Variants in AKAP11 observed in about 807,000 individuals in gnomAD.
AKAP11 encodes the protein A-kinase anchor protein 11.
Under a neutral mutation model 146.1 loss-of-function variants are expected in AKAP11, and 36 were observed. That is an observed-to-expected ratio of 0.25 (90% CI 0.19 to 0.33). AKAP11 has a LOEUF of 0.33. Among genes scored for constraint, AKAP11 ranks in the 10% least tolerant of loss-of-function variants. The probability of loss-of-function intolerance (pLI) is 1.00; values close to 1 mark genes in which losing one functional copy is unlikely to be tolerated. For missense variants in AKAP11, 2,201 were observed against 2,197.0 expected, an observed-to-expected ratio of 1.00 and a Z score of -0.04; for synonymous variants, 780 against 786.5, an observed-to-expected ratio of 0.99 and a Z score of 0.14.
chr13:42,298,507 T>G (rs757488612), intron 6 of AKAP11, 26 bp from the exon 7 acceptor site: 1 of 1,601,214 alleles, frequency 6.2e-7, no homozygotes, highest in Non-Finnish European at 8.5e-7. Flanking sequence ...TTAAAATTGT[T>G]TTTATTATCT....
chr13:42,272,983 C>G (rs1199137162), intron 1 of AKAP11, among the ~76,000 whole-genome samples: 1 of 151,970 alleles, frequency 6.6e-6, no homozygotes, highest in East Asian at 1.9e-4. Flanking sequence ...CATTTTTTTT[C>G]TCTGCTTTGT....
In AKAP11 at chr13:42,299,849, CT is replaced by C; in HGVS notation, c.1106del (p.Leu369Ter). ...GATCAGTTTGATGAACTAGAACAAA[CT>C]TTAGAGACTTGCCTGTTTAACAAAG... ...SFDQFDELEQ[T>X]LETCLFNKDP... On this transcript the variant is annotated frameshift_variant, in exon 8 of 13. Coordinates refer to ENST00000025301, the MANE Select transcript of AKAP11 (RefSeq NM_016248.4). LOFTEE classifies it high-confidence loss of function. 1 of 1,613,780 alleles carries C rather than the reference CT, an allele frequency of 6.2e-7. No individual in the cohort carries two copies. Among genetic ancestry groups the C allele is most frequent in the Non-Finnish European group, 8.5e-7 (1 of 1,179,862 alleles).
At chr13:42,286,231 A>G in intron 2 of AKAP11, 69 bp from the exon 3 acceptor site, 1 of 582,404 alleles carries the variant, frequency 1.7e-6, no homozygotes, top group East Asian at 3.2e-5. Flanking sequence ...AAATAAATTA[A>G]TTTAGCACAA....
rs1218259850 is a variant in AKAP11 at position 42,299,731 on chromosome 13, T to C, written c.985T>C (p.Leu329=). The part of the protein sequence containing the change: ...FLDEEGYQKS[L]KAKLELPKIP... ...GGATGAAGAGGGATATCAAAAAAGC[T>C]TAAAAGCAAAACTTGAGCTGCCTAA... is the stretch of plus-strand genomic sequence containing the variant. The change falls in exon 8 of 13, where the codon TTA becomes CTA. Residue 329 remains leucine, a synonymous_variant. Transcript: ENST00000025301. 2 of 1,613,848 alleles carry C rather than the reference T, an allele frequency of 1.2e-6. No homozygotes were observed. Among genetic ancestry groups the C allele is most frequent in the African/African-American group, 1.3e-5 (1 of 74,920 alleles).
intron 1 of AKAP11, among the ~76,000 whole-genome samples, chr13:42,272,945 T>C (rs933073904): frequency 7.2e-5 from 11 of 152,330 alleles, no homozygotes; most frequent in Admixed American, 2.0e-4. Flanking sequence ...AAGCTAACAT[T>C]TTTTCTCTTC....
chr13:42,292,907 A>G (rs1249413102), intron 4 of AKAP11, among the ~76,000 whole-genome samples: 1 of 152,176 alleles, frequency 6.6e-6, no homozygotes, highest in Non-Finnish European at 1.5e-5. Flanking sequence ...CAGTGCTTTG[A>G]TTAAAAATGA....
At chr13:42,274,136 C>T (rs1283945993) in intron 1 of AKAP11, among the ~76,000 whole-genome samples, 1 of 152,030 alleles carries the variant, frequency 6.6e-6, no homozygotes, top group Non-Finnish European at 1.5e-5. Flanking sequence ...ATTGAAGTAA[C>T]TTTGGATAGG....
chr13:42,303,425 T>C lies in AKAP11; in HGVS notation c.4679T>C (p.Val1560Ala). Residue 1560 changes from valine to alanine, a missense_variant, in exon 8 of 13, where the codon GTG becomes GCG. Around this residue, in one of 3 missense-constraint regions of AKAP11, gnomAD observed 1,867 missense variants for 1,833.5 expected, o/e 1.02. Coordinates refer to ENST00000025301, the MANE Select transcript of AKAP11 (RefSeq NM_016248.4). ...CTAGAGCTAACTCTAGGATCTACAG[T>C]GTTCCGAGTGTCTGAGACCACAAAA... ...DTLELTLGSTVFRVSETTKSA... is the reference protein window; with the variant it reads ...DTLELTLGSTAFRVSETTKSA... The C allele has an allele frequency of 1.2e-6, 2 of 1,614,132 alleles. No individual in the cohort carries two copies. Among genetic ancestry groups the C allele is most frequent in the Non-Finnish European group, 8.5e-7 (1 of 1,180,028 alleles).
At position 42,303,874 on chromosome 13, in the gene AKAP11, C is replaced by T. The variant is rs778142124; in HGVS notation, c.5117+11C>T. The T allele has an allele frequency of 5.2e-6, 8 of 1,551,366 alleles. No individual in the cohort carries two copies. The highest frequency in any genetic ancestry group is 4.5e-5 in the East Asian group (2 of 44,220). ...GCATGCTGTTAGCAGGTAAGTTTCA[C>T]GTTTCTTTTGGTTGTTAATGATAAA... On this transcript the variant is annotated intron_variant, in intron 8 of 12. Transcript: ENST00000025301.
chr13:42,306,987 A>T (rs1960293318), intron 8 of AKAP11, among the ~76,000 whole-genome samples: 1 of 152,130 alleles, frequency 6.6e-6, no homozygotes, highest in Non-Finnish European at 1.5e-5. Flanking sequence ...TGCCTGGCTG[A>T]TAGTGCATTT....
rs1045346858 is a variant in AKAP11, at chr13:42,285,700, T to C, written c.-99-286T>C. 6.6e-5 allele frequency among the ~76,000 whole-genome samples: 10 copies of C among 152,348 alleles called. No individual in the cohort carries two copies. The East Asian group carries it at 1.9e-3, about 29-fold the overall frequency. The stretch of plus-strand genomic sequence containing the variant: ...TGAGTGTTTCACCTGGCAGGTGTTG[T>C]GTGTGTTAAGTACTGGTAATCATTT... On this transcript the variant is annotated intron_variant, in intron 1 of 12. Coordinates refer to ENST00000025301, the MANE Select transcript of AKAP11 (RefSeq NM_016248.4).
At position 42,301,023 on chromosome 13, in the gene AKAP11, A is replaced by G; in HGVS notation, c.2277A>G (p.Glu759=). ...QAIMVTKPVQ[E]YKKEYTVQQA... is the part of the protein sequence containing the mutation. ...TTATGGTGACAAAACCAGTGCAGGAATATAAAAAGGAATACACAGTGCAGC... is the reference window on the plus strand; with the variant it reads ...TTATGGTGACAAAACCAGTGCAGGAGTATAAAAAGGAATACACAGTGCAGC... Residue 759 remains glutamate, a synonymous_variant, in exon 8 of 13, where the codon GAA becomes GAG. Coordinates refer to ENST00000025301, the MANE Select transcript of AKAP11 (RefSeq NM_016248.4). The G allele has an allele frequency of 3.7e-6, 6 of 1,614,132 alleles. No homozygotes were observed. The highest frequency in any genetic ancestry group is 4.2e-6 in the Non-Finnish European group (5 of 1,179,962).
At chr13:42,318,947 G>A in intron 12 of AKAP11, 141 bp from the exon 13 acceptor site, 1 of 1,002,432 alleles carries the variant, frequency 1.0e-6, no homozygotes, top group Non-Finnish European at 1.4e-6. Context: ...GGTTTAGAGG[G>A]GAAGACCTTG....
intron 9 of AKAP11, 52 bp from the exon 10 acceptor site, chr13:42,312,995 T>C: frequency 1.3e-6 from 2 of 1,495,402 alleles, no homozygotes; most frequent in South Asian, 2.3e-5. Context: ...AACAAAGGTC[T>C]TTTCTACTAT....
intron 9 of AKAP11, among the ~76,000 whole-genome samples, chr13:42,309,766 T>A (rs1960460111): frequency 6.6e-6 from 1 of 152,116 alleles, no homozygotes; most frequent in African/African-American, 2.4e-5. Context: ...ATACTAACAT[T>A]TAGTTTCTTC....
intron 4 of AKAP11, among the ~76,000 whole-genome samples, chr13:42,294,649 C>G (rs1187387817): frequency 6.6e-6 from 1 of 152,110 alleles, no homozygotes; most frequent in African/African-American, 2.4e-5. Flanking sequence ...GATCCATCCA[C>G]CTCAGCCTCC....
At chr13:42,314,048 A>G (rs977595631) in intron 11 of AKAP11, 108 bp downstream of exon 11, 2 of 1,083,394 alleles carry the variant, frequency 1.8e-6, no homozygotes. Context: ...AGTGTAAAAC[A>G]TTATAAATCA....
Position 42,300,354 on chromosome 13 carries a change from A to C in AKAP11, c.1608A>C (p.Lys536Asn). 1 of 1,605,224 alleles carries C rather than the reference A, an allele frequency of 6.2e-7. No homozygotes were observed. The highest frequency in any genetic ancestry group is 8.5e-7 in the Non-Finnish European group (1 of 1,177,482). Residue 536 changes from lysine to asparagine, a missense_variant, in exon 8 of 13, where the codon AAA becomes AAC. Around this residue, in one of 3 missense-constraint regions of AKAP11, gnomAD observed 1,867 missense variants for 1,833.5 expected, o/e 1.02. Transcript: ENST00000025301. ...VTFKHGNLDQ[K>N]NKSKNKSLMI... ...TTAAGCATGGAAACCTTGATCAAAA[A>C]AATAAATCTAAAAATAAATCCTTAA...
At chr13:42,291,025 C>T (rs1232680740) in intron 3 of AKAP11, among the ~76,000 whole-genome samples, 1 of 152,164 alleles carries the variant, frequency 6.6e-6, no homozygotes, top group African/African-American at 2.4e-5. Context: ...TTTGTAATGA[C>T]AGGTCAGATT....
Sources: gnomAD v4.1 joint callset for allele counts (sites outside exome capture counted in the v4.1 genomes callset) on GRCh38, gnomAD v4.1.1 for gene constraint, gnomAD v4.1.1 regional missense constraint, MANE v1.5 for transcripts, NCBI Gene and HGNC (gene_info 2026-07-23, HGNC 2026-07-21) for gene names.